The following TEX22 variants were observed in gnomAD, a reference collection of about 807,000 sequenced individuals.
TEX22 encodes the protein testis-expressed protein 22.
Under a neutral mutation model 11.3 loss-of-function variants are expected in TEX22, and 16 were observed. That is an observed-to-expected ratio of 1.42 (90% CI 0.96 to 2.15). TEX22 has a LOEUF of 2.15. TEX22 is among the 30% of genes most tolerant of loss of function. The pLI is 0.00. For synonymous variants in TEX22, 97 were observed against 92.3 expected (o/e 1.05, Z -0.29); for missense variants, 220 against 208.6 (o/e 1.05, Z -0.34).
At position 105,411,473 on chromosome 14, in the gene TEX22, G is replaced by T; in HGVS notation, c.256G>T (p.Ala86Ser). The T allele has an allele frequency of 8.1e-7, 1 of 1,233,176 alleles. No homozygotes were observed. Among genetic ancestry groups the T allele is most frequent in the Non-Finnish European group, 1.0e-6 (1 of 990,134 alleles). The allele number at this position is 1,233,176 out of a possible 1,614,324, so 76.4% of individuals were successfully genotyped here. Reference protein sequence around the residue: ...TLGGRERPGAAGTQLHCRDVV... With the variant: ...TLGGRERPGASGTQLHCRDVV... Reference sequence around the variant, plus strand: ...GGGCGGCCGGGAGAGGCCGGGCGCCGCCGGGACCCAGCTGCACTGCAGGGT... The same window carrying T: ...GGGCGGCCGGGAGAGGCCGGGCGCCTCCGGGACCCAGCTGCACTGCAGGGT... Residue 86 changes from alanine to serine, a missense_variant, in exon 3 of 4, where the codon GCC (alanine) becomes TCC (serine). Ala to Ser is a moderately conservative substitution (Grantham distance 99). Coordinates refer to ENST00000451127, the MANE Select transcript of TEX22 (RefSeq NM_001195082.2).
At chr14:105,408,303 G>A (rs1158443968) in intron 2 of TEX22, among the ~76,000 whole-genome samples, 5 of 150,206 alleles carry the variant, frequency 3.3e-5, no homozygotes, top group Admixed American at 6.6e-5. Flanking sequence ...GTGCAGTGGC[G>A]TGATCTTGGC....
At chr14:105,398,982 G>A (rs1316596588) in intron 1 of TEX22, among the ~76,000 whole-genome samples, 4 of 152,384 alleles carry the variant, frequency 2.6e-5, no homozygotes, top group Non-Finnish European at 4.4e-5. Context: ...GCTGGCTGAG[G>A]GCTGATGCCC....
chr14:105,409,687 T>A (rs1293483603), intron 2 of TEX22, among the ~76,000 whole-genome samples: 1 of 151,526 alleles, frequency 6.6e-6, no homozygotes, highest in Non-Finnish European at 1.5e-5. Flanking sequence ...TTCTTACATT[T>A]TCTGTTTCTT....
chr14:105,398,592 C>G lies in TEX22; in HGVS notation c.-83C>G, dbSNP rs1555417937. On this transcript the variant is annotated 5_prime_UTR_variant, in exon 1 of 4. Transcript: ENST00000451127. Reference sequence around the variant, plus strand: ...CGGCCCCTTGGGCCCCCTCAAGCCGCGGTGTACTCCAGCGGCCCCCTGTGG... The same window carrying G: ...CGGCCCCTTGGGCCCCCTCAAGCCGGGGTGTACTCCAGCGGCCCCCTGTGG... The G allele has an allele frequency of 6.6e-6, 1 of 152,266 alleles. No individual in the cohort carries two copies. The highest frequency in any genetic ancestry group is 1.5e-5 in the Non-Finnish European group (1 of 68,090). 9.4% of individuals were successfully genotyped at this position (152,266 alleles called of 1,614,324 possible).
chr14:105,398,563 G>C lies in TEX22; in HGVS notation c.-112G>C, dbSNP rs587755492. Reference sequence around the variant, plus strand: ...GCCGTAGCGGACGTTCTGGAGCGAGGCGCCGGCCCCTTGGGCCCCCTCAAG... The same window carrying C: ...GCCGTAGCGGACGTTCTGGAGCGAGCCGCCGGCCCCTTGGGCCCCCTCAAG... On this transcript the variant is annotated 5_prime_UTR_variant, in exon 1 of 4. Transcript: ENST00000451127. 6.6e-6 allele frequency: 1 copy of C among 152,396 alleles called. No homozygotes were observed. Among genetic ancestry groups the C allele is most frequent in the South Asian group, 2.1e-4 (1 of 4,834 alleles). The allele number at this position is 152,396 out of a possible 1,614,324, so 9.4% of individuals were successfully genotyped here. A position where few individuals can be genotyped will look rare whatever the true frequency, so the allele number is the denominator to read the frequency against.
At chr14:105,411,205 G>A (rs1555419297) in intron 2 of TEX22, among the ~76,000 whole-genome samples, 163 bp from the exon 3 acceptor site, 1 of 152,262 alleles carries the variant, frequency 6.6e-6, no homozygotes. Flanking sequence ...CACACTGCCT[G>A]AGGCCCCGCG....
At chr14:105,403,154 T>C (rs781819261) in intron 2 of TEX22, among the ~76,000 whole-genome samples, 4 of 152,358 alleles carry the variant, frequency 2.6e-5, no homozygotes, top group Admixed American at 6.5e-5. Context: ...GTCTTATCTA[T>C]GTAAAGACCA....
intron 2 of TEX22, among the ~76,000 whole-genome samples, chr14:105,402,750 C>T (rs928722095): frequency 1.1e-4 from 15 of 138,400 alleles, no homozygotes; most frequent in East Asian, 6.2e-4. Flanking sequence ...AGCGAGACTC[C>T]GTCTCAAAAA....
At chr14:105,404,024 A>T (rs1479176666) in intron 2 of TEX22, among the ~76,000 whole-genome samples, 1 of 152,180 alleles carries the variant, frequency 6.6e-6, no homozygotes, top group African/African-American at 2.4e-5. Flanking sequence ...GCAACTTAAA[A>T]CAGTAAGTAT....
rs898438240 is a variant in TEX22, at chr14:105,411,984, C to T, written c.*151C>T. 3.0e-5 allele frequency: 23 copies of T among 756,682 alleles called. No homozygotes were observed. The highest frequency in any genetic ancestry group is 4.3e-5 in the Non-Finnish European group (22 of 510,428). 46.9% of individuals were successfully genotyped at this position (756,682 alleles called of 1,614,324 possible). A position where few individuals can be genotyped will look rare whatever the true frequency, so the allele number is the denominator to read the frequency against. ...CCAGGCAGGACCTGGCTCCGGACAG[C>T]CTGCAGCTGCTGAGGCCTTGGAGAC... On this transcript the variant is annotated 3_prime_UTR_variant, in exon 4 of 4. Coordinates refer to ENST00000451127, the MANE Select transcript of TEX22 (RefSeq NM_001195082.2).
At position 105,399,439 on chromosome 14, in the gene TEX22, C is replaced by T; in HGVS notation, c.99C>T (p.Gly33=). Residue 33 remains glycine (G), a synonymous_variant, in exon 2 of 4, where the codon GGC becomes GGT. Coordinates refer to ENST00000451127, the MANE Select transcript of TEX22 (RefSeq NM_001195082.2). The part of the protein sequence containing the change: ...RPPLGLIAAW[G]QPSIQSSVQQ... ...CACTGGGCCTGATAGCAGCCTGGGGCCAGCCCAGTATCCAGAGCAGCGTTC... is the reference window on the plus strand; with the variant it reads ...CACTGGGCCTGATAGCAGCCTGGGGTCAGCCCAGTATCCAGAGCAGCGTTC... The T allele has an allele frequency of 6.5e-7, 1 of 1,535,794 alleles. No homozygotes were observed. Among genetic ancestry groups the T allele is most frequent in the Admixed American group, 2.0e-5 (1 of 50,992 alleles).
At chr14:105,401,191 C>T (rs1555418308) in intron 2 of TEX22, among the ~76,000 whole-genome samples, 3 of 152,094 alleles carry the variant, frequency 2.0e-5, no homozygotes, top group Non-Finnish European at 2.9e-5. Context: ...CAGTGTCTGG[C>T]ACATAGTAGG....
intron 2 of TEX22, among the ~76,000 whole-genome samples, chr14:105,407,974 G>A (rs771828741): frequency 2.0e-4 from 31 of 152,128 alleles, no homozygotes; most frequent in Middle Eastern, 6.8e-3. Flanking sequence ...TATTTTGTTT[G>A]TGGCCAATTC....
chr14:105,411,443 A>G lies in TEX22; in HGVS notation c.226A>G (p.Thr76Ala). 1.6e-6 allele frequency: 2 copies of G among 1,240,874 alleles called. No homozygotes were observed. The highest frequency in any genetic ancestry group is 2.0e-6 in the Non-Finnish European group (2 of 996,780). 76.9% of individuals were successfully genotyped at this position (1,240,874 alleles called of 1,614,324 possible). The change falls in exon 3 of 4, where the codon ACG becomes GCG. Residue 76 changes from threonine to alanine, a missense_variant. Coordinates refer to ENST00000451127, the MANE Select transcript of TEX22 (RefSeq NM_001195082.2). The part of the protein sequence containing the change: ...VSIDERRRLA[T>A]LGGRERPGAA... ...CATCGACGAGCGCCGGCGGCTGGCC[A>G]CGCTGGGCGGCCGGGAGAGGCCGGG...
chr14:105,411,467 G>T lies in TEX22; in HGVS notation c.250G>T (p.Gly84Cys). The change falls in exon 3 of 4, where the codon GGC becomes TGC. Residue 84 changes from glycine to cysteine, a missense_variant. By Grantham distance (159) the Gly-to-Cys change is radical. Transcript: ENST00000451127. ...LATLGGRERPGAAGTQLHCRD... is the reference protein window; with the variant it reads ...LATLGGRERPCAAGTQLHCRD... ...CACGCTGGGCGGCCGGGAGAGGCCG[G>T]GCGCCGCCGGGACCCAGCTGCACTG... The T allele has an allele frequency of 8.1e-7, 1 of 1,232,748 alleles. No homozygotes were observed. Among genetic ancestry groups the T allele is most frequent in the South Asian group, 3.6e-5 (1 of 27,584 alleles). The allele number at this position is 1,232,748 out of a possible 1,614,324, so 76.4% of individuals were successfully genotyped here.
chr14:105,408,810 C>G (rs1022818790), intron 2 of TEX22, among the ~76,000 whole-genome samples: 3 of 152,136 alleles, frequency 2.0e-5, no homozygotes, highest in African/African-American at 7.2e-5. Flanking sequence ...TCCCCATCCT[C>G]CCACCAGCAT....
chr14:105,406,129 A>G (rs2081657466), intron 2 of TEX22, among the ~76,000 whole-genome samples: 1 of 152,236 alleles, frequency 6.6e-6, no homozygotes. Flanking sequence ...ATGCACACAC[A>G]AAAAACATTA....
rs587670971 is a variant in TEX22 at position 105,402,725 on chromosome 14, C to T, written c.150+3235C>T. On this transcript the variant is annotated intron_variant, in intron 2 of 3. Coordinates refer to ENST00000451127, the MANE Select transcript of TEX22 (RefSeq NM_001195082.2). ...GAGACGAGATTGCGCTACTGCACTC[C>T]AGCCTGGGCGACAGAGCGAGACTCC... is the stretch of plus-strand genomic sequence containing the variant. Among the ~76,000 whole-genome samples the T allele has an allele frequency of 1.1e-3, 164 of 144,108 alleles. 1 individual carries two copies. The highest frequency in any genetic ancestry group is 2.8e-3 in the Admixed American group (40 of 14,138). 94.5% of individuals were successfully genotyped at this position (144,108 alleles called of 152,430 possible).
intron 2 of TEX22, 36 bp downstream of exon 2, chr14:105,399,526 C>T (rs1212149562): frequency 5.3e-6 from 8 of 1,499,414 alleles, no homozygotes; most frequent in Non-Finnish European, 7.1e-6. Flanking sequence ...GGCTACTCTC[C>T]TGTCCCCAGC....
Sources: gnomAD v4.1 joint callset for allele counts (sites outside exome capture counted in the v4.1 genomes callset) on GRCh38, gnomAD v4.1.1 for gene constraint, MANE v1.5 for transcripts, NCBI Gene and HGNC (gene_info 2026-07-23, HGNC 2026-07-21) for gene names.